Variants in CRADD observed in about 807,000 individuals in gnomAD.
CRADD encodes death domain-containing protein CRADD.
CRADD carries 9 observed loss-of-function variants against 15.5 expected under a neutral mutation model. That is an observed-to-expected ratio of 0.58 (90% CI 0.35 to 1.01). The LOEUF (loss-of-function observed/expected upper bound fraction) is 1.01, where lower values mean the gene tolerates loss of function less well. Among genes scored for constraint, CRADD ranks in the 50% least tolerant of loss-of-function variants. The probability of loss-of-function intolerance (pLI) is 0.02; values close to 1 mark genes in which losing one functional copy is unlikely to be tolerated. For missense variants in CRADD, 227 were observed against 250.3 expected (o/e 0.91, Z 0.63); for synonymous variants, 118 against 107.6 (o/e 1.10, Z -0.60).
At chr12:93,783,136 T>G (rs1381482632) in intron 2 of CRADD, among the ~76,000 whole-genome samples, 2 of 151,902 alleles carry the variant, frequency 1.3e-5, no homozygotes, top group Non-Finnish European at 2.9e-5. Flanking sequence ...TCCTTTTTAC[T>G]TTCCTTCTAT....
chr12:93,863,489 G>T (rs987137602), intron 2 of CRADD, among the ~76,000 whole-genome samples: 2 of 151,944 alleles, frequency 1.3e-5, no homozygotes, highest in African/African-American at 4.8e-5. Context: ...TTCCAGTGGG[G>T]CATCTGACAA....
At chr12:93,832,352 G>C (rs903143336) in intron 2 of CRADD, among the ~76,000 whole-genome samples, 3 of 152,084 alleles carry the variant, frequency 2.0e-5, no homozygotes, top group Admixed American at 6.5e-5. Flanking sequence ...TGGTCTTACT[G>C]CCAAGCCACT....
chr12:93,806,475 A>G (rs1045005839), intron 2 of CRADD, among the ~76,000 whole-genome samples: 2 of 150,134 alleles, frequency 1.3e-5, no homozygotes, highest in South Asian at 2.1e-4. Flanking sequence ...AAAAAAAACA[A>G]AAAAAAGAAA....
intron 2 of CRADD, chr12:93,859,295 TG>T (rs1435140111): frequency 2.2e-6 from 1 of 454,270 alleles, no homozygotes; most frequent in East Asian, 6.9e-5. Context: ...ACTTTTTTTC[TG>T]GTTAACTTGT....
intron 2 of CRADD, among the ~76,000 whole-genome samples, chr12:93,841,971 A>T (rs1005396438): frequency 1.3e-5 from 2 of 152,122 alleles, no homozygotes; most frequent in South Asian, 2.1e-4. Context: ...GTGCTACCCC[A>T]TGACCAACCC....
At chr12:93,814,497 TC>T (rs1339025347) in intron 2 of CRADD, among the ~76,000 whole-genome samples, 2 of 152,206 alleles carry the variant, frequency 1.3e-5, no homozygotes, top group Admixed American at 6.5e-5. Flanking sequence ...TCTGCCTTCA[TC>T]ACGAATCCTA....
intron 2 of CRADD, chr12:93,837,277 GTT>G (rs1186439422): frequency 0.028 from 4,045 of 144,088 alleles, 184 homozygotes; most frequent in African/African-American, 0.096. Context: ...GTTTGTTTTT[GTT>G]TTTTTTTTTA....
At chr12:93,696,027 ATAAT>A (rs1955697008) in intron 2 of CRADD, among the ~76,000 whole-genome samples, 1 of 152,272 alleles carries the variant, frequency 6.6e-6, no homozygotes. Context: ...AATTAAAATT[ATAAT>A]GAGATATAAC....
chr12:93,743,800 G>C (rs1956714545), intron 2 of CRADD, among the ~76,000 whole-genome samples: 1 of 151,950 alleles, frequency 6.6e-6, no homozygotes, highest in Admixed American at 6.5e-5. Context: ...CCAATTTCAA[G>C]GTAGTGCTTG....
chr12:93,877,374 C>A (rs1239854226), intron 2 of CRADD, among the ~76,000 whole-genome samples: 3 of 152,222 alleles, frequency 2.0e-5, no homozygotes, highest in Non-Finnish European at 4.4e-5. Flanking sequence ...TCTTCGATCA[C>A]TTGATGCCAA....
intron 2 of CRADD, among the ~76,000 whole-genome samples, chr12:93,741,792 C>T (rs528523283): frequency 2.1e-4 from 32 of 152,276 alleles, no homozygotes; most frequent in Non-Finnish European, 4.4e-4. Flanking sequence ...TTAGATAGTT[C>T]TCATAGCTAT....
At chr12:93,711,454 G>C (rs1035314357) in intron 2 of CRADD, among the ~76,000 whole-genome samples, 4 of 152,054 alleles carry the variant, frequency 2.6e-5, no homozygotes, top group African/African-American at 9.7e-5. Context: ...TTAAAAACCC[G>C]AGGGGGGATT....
At chr12:93,722,822 A>G (rs535839774) in intron 2 of CRADD, among the ~76,000 whole-genome samples, 1 of 152,184 alleles carries the variant, frequency 6.6e-6, no homozygotes, top group African/African-American at 2.4e-5. Context: ...TCTGTTTCTG[A>G]TGCTTGGTCT....
chr12:93,726,068 T>C (rs1956358308), intron 2 of CRADD, among the ~76,000 whole-genome samples: 1 of 151,384 alleles, frequency 6.6e-6, no homozygotes, highest in South Asian at 2.1e-4. Flanking sequence ...TTAATGTTCA[T>C]GAACTGGTGA....
intron 2 of CRADD, among the ~76,000 whole-genome samples, chr12:93,880,974 T>G (rs1210077403): frequency 6.6e-5 from 10 of 152,206 alleles, no homozygotes; most frequent in African/African-American, 2.4e-4. Context: ...TTAGCCACCC[T>G]TAGGCAAACA....
At chr12:93,749,506 TG>T (rs578184033) in intron 2 of CRADD, among the ~76,000 whole-genome samples, 1 of 152,224 alleles carries the variant, frequency 6.6e-6, no homozygotes. Flanking sequence ...TATTAAAAAC[TG>T]GCAGAGTGCT....
intron 2 of CRADD, among the ~76,000 whole-genome samples, chr12:93,792,330 A>G (rs745876079): frequency 8.5e-5 from 13 of 152,194 alleles, no homozygotes; most frequent in Non-Finnish European, 1.6e-4. Context: ...TCTTTCATCT[A>G]TTATAGAACA....
chr12:93,768,638 A>C (rs1957050602), intron 2 of CRADD, among the ~76,000 whole-genome samples: 1 of 152,210 alleles, frequency 6.6e-6, no homozygotes, highest in Non-Finnish European at 1.5e-5. Context: ...TTTTCATGTA[A>C]TATATCATGA....
chr12:93,868,303 CT>C (rs1192083231), intron 2 of CRADD, among the ~76,000 whole-genome samples: 1 of 152,106 alleles, frequency 6.6e-6, no homozygotes, highest in Non-Finnish European at 1.5e-5. Flanking sequence ...TATAACTAGT[CT>C]TTTGTGGTCC....
Sources: allele counts gnomAD v4.1 joint callset (sites outside exome capture counted in the v4.1 genomes callset), GRCh38; gene constraint gnomAD v4.1.1; transcripts MANE v1.5; gene names NCBI Gene and HGNC (gene_info 2026-07-23, HGNC 2026-07-21).